CCDC13: variants seen among roughly 807,000 people sequenced by gnomAD.
CCDC13 encodes coiled-coil domain containing 13, also known as coiled-coil domain-containing protein 13.
A neutral mutation model predicts 87.3 loss-of-function variants in CCDC13; 70 were observed. The observed-to-expected ratio is 0.80, with a 90% CI of 0.66 to 0.98. The LOEUF is 0.98. Among genes scored for constraint, CCDC13 ranks in the 50% least tolerant of loss-of-function variants. The pLI is 0.00. For missense variants in CCDC13, 842 were observed against 892.0 expected (o/e 0.94, Z 0.71); for synonymous variants, 317 against 360.3 (o/e 0.88, Z 1.36).
chr3:42,745,747 T>A (rs1575315071), intron 7 of CCDC13, 176 bp downstream of exon 7: 1 of 513,508 alleles, frequency 1.9e-6, no homozygotes, highest in East Asian at 2.9e-5. Context: ...AATAACAAAT[T>A]AAAATCAGGC....
chr3:42,725,372 A>G (rs1399185584), intron 13 of CCDC13, among the ~76,000 whole-genome samples: 3 of 152,072 alleles, frequency 2.0e-5, no homozygotes, highest in Admixed American at 1.3e-4. Flanking sequence ...GTAAGTCTAT[A>G]AAAATATAAA....
intron 13 of CCDC13, 57 bp downstream of exon 13, chr3:42,730,410 C>T: frequency 6.3e-7 from 1 of 1,588,112 alleles, no homozygotes; most frequent in Non-Finnish European, 8.6e-7. Flanking sequence ...TGAGGCCTGG[C>T]CCCAGTCCCC....
chr3:42,741,523 C>A (rs1048798996), intron 8 of CCDC13, among the ~76,000 whole-genome samples: 9 of 152,076 alleles, frequency 5.9e-5, no homozygotes, highest in African/African-American at 2.2e-4. Context: ...GATCACCTGA[C>A]GTTAGGAATT....
chr3:42,712,151 C>T (rs1234773851), intron 14 of CCDC13, among the ~76,000 whole-genome samples: 3 of 152,166 alleles, frequency 2.0e-5, no homozygotes, highest in African/African-American at 7.2e-5. Flanking sequence ...CTGACCTCAT[C>T]TGGGCTGAGG....
intron 12 of CCDC13, chr3:42,732,613 G>C (rs1163519013): frequency 4.2e-6 from 2 of 473,232 alleles, no homozygotes; most frequent in Non-Finnish European, 7.5e-6. Flanking sequence ...GAAGGTGCTA[G>C]AAGCCAGGCC....
intron 13 of CCDC13, among the ~76,000 whole-genome samples, chr3:42,722,744 C>A (rs1698593407): frequency 6.6e-6 from 1 of 151,942 alleles, no homozygotes; most frequent in Admixed American, 6.6e-5. Context: ...AACCAGCAGC[C>A]CTGGGGACTG....
At chr3:42,709,611 C>T in intron 15 of CCDC13, 73 bp downstream of exon 15, 2 of 1,171,270 alleles carry the variant, frequency 1.7e-6, no homozygotes, top group African/African-American at 1.5e-5. Flanking sequence ...GGGAGGGACA[C>T]AGTCCCTCTG....
chr3:42,709,384 C>T lies in CCDC13; in HGVS notation c.1989-245G>A, dbSNP rs140451131. 3.1e-3 allele frequency among the ~76,000 whole-genome samples: 469 copies of T among 152,300 alleles called. 1 individual carries two copies. Among genetic ancestry groups the T allele is most frequent in the Middle Eastern group, 0.017 (5 of 294 alleles). ...TTGAGTTCCAATTTGTAGAGGTTCC[C>T]GTCTTTCCCTTCCCATGGCTGCGTG... is the stretch of plus-strand genomic sequence containing the variant. On this transcript the variant is annotated intron_variant, in intron 15 of 15. Coordinates refer to ENST00000310232, the MANE Select transcript of CCDC13 (RefSeq NM_144719.4).
rs766336445 is a variant in CCDC13, at chr3:42,732,910, G to A, written c.1572C>T (p.Pro524=). The change falls in exon 12 of 16, where the codon CCC becomes CCT. Residue 524 remains proline (P), a synonymous_variant. Coordinates refer to ENST00000310232, the MANE Select transcript of CCDC13 (RefSeq NM_144719.4). ...ACCTAGGTGAGGTCCTGTGGGGACTGGGCAGGGAAGGCCTCGTGAGAGCAG... is the reference window on the plus strand; with the variant it reads ...ACCTAGGTGAGGTCCTGTGGGGACTAGGCAGGGAAGGCCTCGTGAGAGCAG... ...VESALTRPSL[P]SPHRTSPRFS... is the part of the protein sequence containing the mutation. 2.4e-5 allele frequency: 37 copies of A among 1,553,940 alleles called. No individual in the cohort carries two copies. The highest frequency in any genetic ancestry group is 3.1e-5 in the Non-Finnish European group (36 of 1,148,054).
At chr3:42,750,829 C>G (rs1699558435) in intron 5 of CCDC13, among the ~76,000 whole-genome samples, 1 of 152,226 alleles carries the variant, frequency 6.6e-6, no homozygotes, top group Non-Finnish European at 1.5e-5. Context: ...GCTGAACAAG[C>G]AGTTTCCTAT....
chr3:42,705,305 G>T (rs1698152070), downstream of CCDC13, among the ~76,000 whole-genome samples: 1 of 152,090 alleles, frequency 6.6e-6, no homozygotes, highest in Non-Finnish European at 1.5e-5. Flanking sequence ...CCCACTGGAG[G>T]TCACCCTGCC....
chr3:42,734,310 C>A (rs1052742230), intron 10 of CCDC13, among the ~76,000 whole-genome samples: 10 of 152,218 alleles, frequency 6.6e-5, no homozygotes, highest in Non-Finnish European at 1.3e-4. Flanking sequence ...GGCCCCCATT[C>A]AGCTGGTGAC....
intron 7 of CCDC13, chr3:42,745,673 GT>G (rs1699372352): frequency 3.0e-6 from 1 of 333,190 alleles, no homozygotes; most frequent in Admixed American, 4.5e-5. Context: ...AACCAAAGGC[GT>G]TGGCATTTGT....
chr3:42,769,931 G>A (rs1043053450), intron 1 of CCDC13, among the ~76,000 whole-genome samples: 27 of 152,370 alleles, frequency 1.8e-4, no homozygotes, highest in African/African-American at 5.3e-4. Context: ...CCGGCAGCCC[G>A]CCATGCCTGA....
intron 13 of CCDC13, chr3:42,717,859 C>G (rs1406276960): frequency 6.6e-6 from 1 of 152,188 alleles, no homozygotes; most frequent in Non-Finnish European, 1.5e-5. Context: ...ACTGTGGTCT[C>G]CATTTTCTTG....
chr3:42,758,013 CTTCT>C, intron 2 of CCDC13, 108 bp downstream of exon 2: 1 of 855,024 alleles, frequency 1.2e-6, no homozygotes, highest in South Asian at 1.7e-5. Flanking sequence ...TCTAAGCTTC[CTTCT>C]ATCACTTTAG....
At chr3:42,710,131 A>T in intron 14 of CCDC13, among the ~76,000 whole-genome samples, 2 of 138,772 alleles carry the variant, frequency 1.4e-5, no homozygotes. Flanking sequence ...TTTTTTTGAG[A>T]CAGAGTCTTG....
intron 11 of CCDC13, 69 bp from the exon 12 acceptor site, chr3:42,733,039 C>CAG: frequency 7.6e-7 from 1 of 1,310,184 alleles, no homozygotes; most frequent in Non-Finnish European, 1.1e-6. Context: ...CTCACCTCTG[C>CAG]ATGTGAGGTG....
chr3:42,710,057 C>G (rs560254323), intron 14 of CCDC13, among the ~76,000 whole-genome samples: 14 of 152,128 alleles, frequency 9.2e-5, no homozygotes, highest in Middle Eastern at 3.4e-3. Context: ...TCCTCACCAC[C>G]CTGTCTCCAT....
Sources: allele counts gnomAD v4.1 joint callset (sites outside exome capture counted in the v4.1 genomes callset), GRCh38; gene constraint gnomAD v4.1.1; transcripts MANE v1.5; gene names NCBI Gene and HGNC (gene_info 2026-07-23, HGNC 2026-07-21).